Variants in ADAMTS5 observed in about 807,000 individuals in gnomAD.
ADAMTS5 encodes the protein ADAM metallopeptidase with thrombospondin type 1 motif 5, also known as A disintegrin and metalloproteinase with thrombospondin motifs 5.
A neutral mutation model predicts 81.4 loss-of-function variants in ADAMTS5; 54 were observed. That is an observed-to-expected ratio of 0.66 (90% confidence interval 0.53 to 0.83). ADAMTS5 has a LOEUF of 0.83. Ranked by LOEUF, ADAMTS5 falls within the 40% of genes least tolerant of loss-of-function variation. The pLI is 0.00. For missense variants in ADAMTS5, 1,194 were observed against 1,229.9 expected, an observed-to-expected ratio of 0.97 and a Z score of 0.44; for synonymous variants, 532 against 508.8, an observed-to-expected ratio of 1.05 and a Z score of -0.61.
intron 1 of ADAMTS5, among the ~76,000 whole-genome samples, chr21:26,956,002 A>G (rs1159267679): frequency 6.6e-6 from 1 of 152,204 alleles, no homozygotes; most frequent in Non-Finnish European, 1.5e-5. Context: ...CAGCTTATAT[A>G]GTAGGAACTC....
In ADAMTS5 at chr21:26,932,164, T is replaced by C. The variant is rs372934113; in HGVS notation, c.1889A>G (p.His630Arg). 11 of 1,613,420 alleles carry C rather than the reference T, an allele frequency of 6.8e-6. No individual in the cohort carries two copies. Among genetic ancestry groups the C allele is most frequent in the Middle Eastern group, 1.6e-4 (1 of 6,082 alleles). ...PCPPNGKSFR[H>R]EQCEAKNGYQ... The stretch of plus-strand genomic sequence containing the variant: ...GCCATTTTTGGCCTCACACTGTTCA[T>C]GACGAAATGATTTACCTAGAAAACA... The change falls in exon 6 of 8, where the codon CAT becomes CGT. Residue 630 changes from histidine to arginine, a missense_variant. Around this residue, in one of 2 missense-constraint regions of ADAMTS5, gnomAD observed 696 missense variants for 817.6 expected, o/e 0.85. Coordinates refer to ENST00000284987, the MANE Select transcript of ADAMTS5 (RefSeq NM_007038.5).
rs555775502 is a variant in ADAMTS5 at position 26,965,720 on chromosome 21, C to T, written c.672G>A (p.Ala224=). The T allele has an allele frequency of 3.9e-4, 612 of 1,587,754 alleles. 10 individuals carry two copies. The South Asian group carries it at 6.8e-3, about 18-fold the overall frequency. Residue 224 remains alanine, a synonymous_variant, in exon 1 of 8, where the codon GCG becomes GCA. Transcript: ENST00000284987. ...STPEAHEHAP[A]HSNPSGRAAL... Reference sequence around the variant, plus strand: ...CTGCGCGTCCGCTCGGGTTGCTGTGCGCCGGAGCATGCTCGTGGGCCTCCG... The same window carrying T: ...CTGCGCGTCCGCTCGGGTTGCTGTGTGCCGGAGCATGCTCGTGGGCCTCCG...
intron 1 of ADAMTS5, among the ~76,000 whole-genome samples, chr21:26,964,923 C>T (rs1039005982): frequency 5.9e-5 from 9 of 152,140 alleles, no homozygotes; most frequent in Non-Finnish European, 1.2e-4. Context: ...AGAAGAAGAC[C>T]CATGATCCCA....
chr21:26,961,335 T>G (rs1272341464), intron 1 of ADAMTS5, among the ~76,000 whole-genome samples: 1 of 152,214 alleles, frequency 6.6e-6, no homozygotes, highest in Non-Finnish European at 1.5e-5. Context: ...ATCCAATCTA[T>G]CCATCCTTTG....
Position 26,966,332 on chromosome 21 carries a change from G to T in ADAMTS5, c.60C>A (p.Val20=), listed in dbSNP as rs773548329. 4.6e-6 allele frequency: 7 copies of T among 1,507,614 alleles called. No individual in the cohort carries two copies. The South Asian group carries it at 8.7e-5, about 19-fold the overall frequency. 93.4% of individuals were successfully genotyped at this position (1,507,614 alleles called of 1,614,324 possible). The part of the protein sequence containing the change: ...LCAFRLPLAA[V]GPAATPAQDK... ...CCTGGGCAGGTGTCGCGGCGGGGCC[G>T]ACCGCGGCCAGGGGCAGGCGGAACG... Residue 20 remains valine, a synonymous_variant, in exon 1 of 8, where the codon GTC becomes GTA. Coordinates refer to ENST00000284987, the MANE Select transcript of ADAMTS5 (RefSeq NM_007038.5).
intron 2 of ADAMTS5, among the ~76,000 whole-genome samples, chr21:26,952,522 CA>C (rs1293943265): frequency 6.6e-6 from 1 of 152,190 alleles, no homozygotes; most frequent in East Asian, 1.9e-4. Context: ...AACTTGAGGT[CA>C]AAGCATCCCT....
chr21:26,921,627 A>G lies in ADAMTS5; in HGVS notation c.*2426T>C, dbSNP rs1986699644. 6.6e-6 allele frequency: 1 copy of G among 152,390 alleles called. No individual in the cohort carries two copies. Among genetic ancestry groups the G allele is most frequent in the Admixed American group, 6.6e-5 (1 of 15,238 alleles). The allele number at this position is 152,390 out of a possible 1,614,324, so 9.4% of individuals were successfully genotyped here. ...ATTCGTGGTATCTATTGAACACTCC[A>G]TTTCTCTGAATTTCAGTTTCCAATC... is the stretch of plus-strand genomic sequence containing the variant. On this transcript the variant is annotated 3_prime_UTR_variant, in exon 8 of 8. Coordinates refer to ENST00000284987, the MANE Select transcript of ADAMTS5 (RefSeq NM_007038.5).
At chr21:26,958,614 G>A (rs994161292) in intron 1 of ADAMTS5, among the ~76,000 whole-genome samples, 1 of 152,120 alleles carries the variant, frequency 6.6e-6, no homozygotes, top group African/African-American at 2.4e-5. Context: ...GATGGATTAG[G>A]GTCCCAGAGA....
chr21:26,932,473 C>T (rs1277990578), intron 5 of ADAMTS5, among the ~76,000 whole-genome samples: 1 of 152,058 alleles, frequency 6.6e-6, no homozygotes, highest in African/African-American at 2.4e-5. Context: ...GAGGGTGGAT[C>T]ACAAGGTCAG....
intron 3 of ADAMTS5, chr21:26,939,847 C>T (rs747084856): frequency 2.6e-5 from 4 of 152,212 alleles, no homozygotes; most frequent in Non-Finnish European, 5.9e-5. Flanking sequence ...AGCCAGCTTG[C>T]CTAGAGCTAG....
chr21:26,940,147 T>C (rs929714837), intron 3 of ADAMTS5, among the ~76,000 whole-genome samples: 1 of 152,228 alleles, frequency 6.6e-6, no homozygotes, highest in Non-Finnish European at 1.5e-5. Context: ...GCTTTGAATT[T>C]AACTTTACTC....
At position 26,934,613 on chromosome 21, in the gene ADAMTS5, A is replaced by G; in HGVS notation, c.1542T>C (p.Cys514=). The change falls in exon 4 of 8, where the codon TGT becomes TGC. Residue 514 remains cysteine, a synonymous_variant. Transcript: ENST00000284987. ...EYSVCPGMDV[C]ARLWCAVVRQ... is the part of the protein sequence containing the mutation. ...GTACCACAGCACACCACAGGCGAGC[A>G]CAGACATCCATGCCGGGACACACGG... 6.2e-7 allele frequency: 1 copy of G among 1,614,202 alleles called. No homozygotes were observed. Among genetic ancestry groups the G allele is most frequent in the Non-Finnish European group, 8.5e-7 (1 of 1,180,042 alleles).
At chr21:26,943,728 T>C (rs1987159763) in intron 2 of ADAMTS5, among the ~76,000 whole-genome samples, 181 bp from the exon 3 acceptor site, 1 of 152,220 alleles carries the variant, frequency 6.6e-6, no homozygotes, top group African/African-American at 2.4e-5. Flanking sequence ...AGTGTAGCAG[T>C]TGCTTTTGGT....
In ADAMTS5 at chr21:26,924,230, T is replaced by C. The variant is rs1200577959; in HGVS notation, c.2616A>G (p.Ser872=). ...VTSHGSNKVG[S]HTSQPQWVTG... is the part of the protein sequence containing the mutation. ...TGACCCACTGCGGCTGCGAAGTGTG[T>C]GATCCCACTTTATTGCTGCCATGAC... The change falls in exon 8 of 8, where the codon TCA becomes TCG. Residue 872 remains serine, a synonymous_variant. Coordinates refer to ENST00000284987, the MANE Select transcript of ADAMTS5 (RefSeq NM_007038.5). 1 of 1,614,230 alleles carries C rather than the reference T, an allele frequency of 6.2e-7. No individual in the cohort carries two copies. The highest frequency in any genetic ancestry group is 1.7e-5 in the Admixed American group (1 of 60,028).
intron 2 of ADAMTS5, among the ~76,000 whole-genome samples, chr21:26,944,626 G>A (rs1987179666): frequency 1.3e-5 from 2 of 151,978 alleles, no homozygotes; most frequent in Admixed American, 1.3e-4. Context: ...AAGCTTTCTA[G>A]AATCATACAC....
chr21:26,951,550 G>A (rs1987315643), intron 2 of ADAMTS5, among the ~76,000 whole-genome samples: 1 of 151,484 alleles, frequency 6.6e-6, no homozygotes, highest in African/African-American at 2.4e-5. Context: ...GTGGTGGTTG[G>A]TGCCTGTAAT....
At chr21:26,948,033 C>T (rs1178024726) in intron 2 of ADAMTS5, among the ~76,000 whole-genome samples, 4 of 152,138 alleles carry the variant, frequency 2.6e-5, no homozygotes, top group Non-Finnish European at 2.9e-5. Context: ...TTTCAATTGG[C>T]AAAGGGGTGA....
intron 1 of ADAMTS5, among the ~76,000 whole-genome samples, chr21:26,959,094 T>G (rs950569541): frequency 6.6e-6 from 1 of 152,008 alleles, no homozygotes; most frequent in African/African-American, 2.4e-5. Flanking sequence ...CTGACAAATG[T>G]GAGGTAAGAA....
chr21:26,935,638 G>A (rs1216934301), intron 3 of ADAMTS5, among the ~76,000 whole-genome samples: 2 of 152,158 alleles, frequency 1.3e-5, no homozygotes, highest in African/African-American at 2.4e-5. Context: ...ATATGAGGGT[G>A]TACAGGCAGA....
Sources: allele counts gnomAD v4.1 joint callset (sites outside exome capture counted in the v4.1 genomes callset), GRCh38; gene constraint gnomAD v4.1.1; regional missense constraint gnomAD v4.1.1; transcripts MANE v1.5; gene names NCBI Gene and HGNC (gene_info 2026-07-23, HGNC 2026-07-21).